ITGA9: variants seen among roughly 807,000 people sequenced by gnomAD.
ITGA9 encodes the protein integrin subunit alpha 9, also known as integrin alpha-9.
In ITGA9, 56 loss-of-function variants were observed where a neutral mutation model predicts 127.8. The ratio of observed to expected loss-of-function variants is 0.44; its 90% CI spans 0.35 to 0.55. ITGA9 has a LOEUF of 0.55. ITGA9 is among the 20% of genes least tolerant of loss of function. ITGA9 has a pLI of 0.00. For synonymous variants in ITGA9, 508 were observed against 514.5 expected, an observed-to-expected ratio of 0.99 and a Z score of 0.17; for missense variants, 1,196 against 1,347.1, an observed-to-expected ratio of 0.89 and a Z score of 1.76.
chr3:37,634,182 A>G (rs1217903219), intron 16 of ITGA9, among the ~76,000 whole-genome samples: 3 of 152,182 alleles, frequency 2.0e-5, no homozygotes, highest in Non-Finnish European at 1.5e-5. Context: ...AAAGGAAGAA[A>G]GGAACAAAGG....
Position 37,683,659 on chromosome 3 carries a change from G to A in ITGA9, c.1917-206G>A, listed in dbSNP as rs73827024. On this transcript the variant is annotated intron_variant, in intron 17 of 27. Transcript: ENST00000264741. ...AGCCTCTAAACAGTCTAGTGAGTTA[G>A]GCAAGGTAGAACCCTGTGCTTTACA... Among the ~76,000 whole-genome samples the A allele has an allele frequency of 3.3e-3, 496 of 152,266 alleles. 2 individuals are homozygous for A. The highest frequency in any genetic ancestry group is 0.012 in the African/African-American group (483 of 41,544).
At chr3:37,637,611 C>T (rs1700292948) in intron 16 of ITGA9, among the ~76,000 whole-genome samples, 2 of 152,114 alleles carry the variant, frequency 1.3e-5, no homozygotes, top group Non-Finnish European at 2.9e-5. Flanking sequence ...CTTGGGCCCA[C>T]CCCAGACCCA....
intron 15 of ITGA9, among the ~76,000 whole-genome samples, chr3:37,625,018 A>G (rs897081386): frequency 6.6e-6 from 1 of 152,174 alleles, no homozygotes; most frequent in Non-Finnish European, 1.5e-5. Flanking sequence ...GTTCTGCATG[A>G]ATCTTCTCTA....
intron 7 of ITGA9, 78 bp from the exon 8 acceptor site, chr3:37,508,481 G>T: frequency 8.6e-7 from 1 of 1,167,250 alleles, no homozygotes; most frequent in Non-Finnish European, 1.3e-6. Flanking sequence ...TTTTAAATAG[G>T]ACTCCCAGGA....
intron 22 of ITGA9, among the ~76,000 whole-genome samples, chr3:37,746,163 G>A (rs574210113): frequency 6.6e-6 from 1 of 152,262 alleles, no homozygotes; most frequent in South Asian, 2.1e-4. Flanking sequence ...CCAGGAATAC[G>A]GAGAAAATGT....
intron 10 of ITGA9, among the ~76,000 whole-genome samples, chr3:37,518,150 A>G (rs990310091): frequency 3.6e-5 from 5 of 137,802 alleles, no homozygotes; most frequent in Admixed American, 3.1e-4. Context: ...ATATGTACCT[A>G]ATGCCTAGGT....
intron 1 of ITGA9, among the ~76,000 whole-genome samples, chr3:37,459,473 A>G (rs1260834112): frequency 6.6e-6 from 1 of 152,240 alleles, no homozygotes; most frequent in African/African-American, 2.4e-5. Flanking sequence ...GGCCACATTT[A>G]TAAGGGCACT....
intron 27 of ITGA9, among the ~76,000 whole-genome samples, chr3:37,805,489 C>A (rs1559603971): frequency 6.6e-6 from 1 of 152,264 alleles, no homozygotes; most frequent in East Asian, 1.9e-4. Context: ...CTCATCCAGT[C>A]CCCTGATACT....
At chr3:37,592,254 A>G (rs1699827839) in intron 15 of ITGA9, among the ~76,000 whole-genome samples, 1 of 152,196 alleles carries the variant, frequency 6.6e-6, no homozygotes, top group African/African-American at 2.4e-5. Context: ...TCAGTTTTCA[A>G]TTACTTGACC....
At chr3:37,518,333 C>T (rs909054718) in intron 10 of ITGA9, among the ~76,000 whole-genome samples, 5 of 152,186 alleles carry the variant, frequency 3.3e-5, no homozygotes, top group Non-Finnish European at 4.4e-5. Context: ...GCCATCCAGA[C>T]GTCTTTGATA....
chr3:37,666,902 T>C (rs1242498421), intron 17 of ITGA9, among the ~76,000 whole-genome samples: 1 of 152,148 alleles, frequency 6.6e-6, no homozygotes, highest in African/African-American at 2.4e-5. Flanking sequence ...GTGAAGGAGC[T>C]GGAGTGTTTG....
intron 19 of ITGA9, among the ~76,000 whole-genome samples, chr3:37,734,284 A>G (rs1696331903): frequency 6.6e-6 from 1 of 152,262 alleles, no homozygotes; most frequent in South Asian, 2.1e-4. Flanking sequence ...GAGATAAAGG[A>G]GGACGACCAC....
At chr3:37,505,973 T>C (rs1698836930) in intron 6 of ITGA9, 27 bp from the exon 7 acceptor site, 3 of 1,524,394 alleles carry the variant, frequency 2.0e-6, no homozygotes, top group Non-Finnish European at 2.7e-6. Context: ...TTCAACCGTG[T>C]GCTTGGTTTC....
chr3:37,489,695 T>C lies in ITGA9; in HGVS notation c.545-4806T>C, dbSNP rs1481480985. ...TCATTTTTCTGTATAATTGCCCTTT[T>C]TTTTTTTTTTTTTTACTAGAGCTGT... On this transcript the variant is annotated intron_variant, in intron 4 of 27. Coordinates refer to ENST00000264741, the MANE Select transcript of ITGA9 (RefSeq NM_002207.3). Among the ~76,000 whole-genome samples the C allele has an allele frequency of 3.1e-3, 56 of 17,992 alleles. 1 individual carries two copies. The highest frequency in any genetic ancestry group is 5.4e-3 in the East Asian group (5 of 918). The allele number at this position is 17,992 out of a possible 152,430, so 11.8% of individuals were successfully genotyped here.
intron 13 of ITGA9, among the ~76,000 whole-genome samples, chr3:37,532,594 A>G (rs1699162945): frequency 6.8e-6 from 1 of 147,142 alleles, no homozygotes; most frequent in Non-Finnish European, 1.5e-5. Flanking sequence ...GGTGTGATTT[A>G]CTCTTTGTTT....
At chr3:37,619,406 C>T (rs567922182) in intron 15 of ITGA9, among the ~76,000 whole-genome samples, 1 of 152,230 alleles carries the variant, frequency 6.6e-6, no homozygotes, top group South Asian at 2.1e-4. Flanking sequence ...GGGGAGTGCT[C>T]TCAGAAGTGA....
chr3:37,550,026 T>G (rs887970189), intron 15 of ITGA9, among the ~76,000 whole-genome samples: 1 of 152,252 alleles, frequency 6.6e-6, no homozygotes, highest in Non-Finnish European at 1.5e-5. Flanking sequence ...TGCTGGTTAC[T>G]GTGAGTCACT....
In ITGA9 at chr3:37,750,579, C is replaced by G. The variant is rs748003270; in HGVS notation, c.2541+10C>G. ...TGTCCAGGAAATGGTGGTGAGTTCT[C>G]CATTTGTTTTCACTATTGCTTTCAG... On this transcript the variant is annotated intron_variant, in intron 23 of 27. Transcript: ENST00000264741. The G allele has an allele frequency of 6.4e-7, 1 of 1,571,640 alleles. No homozygotes were observed. Among genetic ancestry groups the G allele is most frequent in the Non-Finnish European group, 8.8e-7 (1 of 1,141,508 alleles).
chr3:37,761,457 A>G (rs1351508173), intron 23 of ITGA9, among the ~76,000 whole-genome samples: 1 of 152,236 alleles, frequency 6.6e-6, no homozygotes, highest in East Asian at 1.9e-4. Flanking sequence ...GAAGCAGAAT[A>G]TAACTTTAAT....
Sources: gnomAD v4.1 joint callset for allele counts (sites outside exome capture counted in the v4.1 genomes callset) on GRCh38, gnomAD v4.1.1 for gene constraint, MANE v1.5 for transcripts, NCBI Gene and HGNC (gene_info 2026-07-23, HGNC 2026-07-21) for gene names.